The following NIN variants were observed in gnomAD, a reference collection of about 807,000 sequenced individuals.
The protein encoded by NIN is glycogen synthase kinase 3 beta-interacting protein.
Under a neutral mutation model 257.6 loss-of-function variants are expected in NIN, and 137 were observed. The ratio of observed to expected loss-of-function variants is 0.53; its 90% CI spans 0.46 to 0.61. The LOEUF is 0.61. NIN is among the 20% of genes least tolerant of loss of function. The probability of loss-of-function intolerance (pLI) is 0.00; values close to 1 mark genes in which losing one functional copy is unlikely to be tolerated. For missense variants in NIN, 2,439 were observed against 2,501.2 expected (o/e 0.98, Z 0.53); for synonymous variants, 918 against 919.8 (o/e 1.00, Z 0.04).
At chr14:50,817,827 T>C (rs977710985) in intron 3 of NIN, among the ~76,000 whole-genome samples, 1 of 152,072 alleles carries the variant, frequency 6.6e-6, no homozygotes, top group African/African-American at 2.4e-5. Flanking sequence ...GCAATTCTCC[T>C]GTCTCAGCCT....
At chr14:50,726,504 C>A in intron 29 of NIN, 1 of 155,216 alleles carries the variant, frequency 6.4e-6, no homozygotes, top group Admixed American at 6.4e-5. Context: ...AACCAATCAG[C>A]TTGCAATATG....
chr14:50,728,211 T>A (rs773973906), intron 29 of NIN, among the ~76,000 whole-genome samples: 14 of 152,022 alleles, frequency 9.2e-5, no homozygotes, highest in Non-Finnish European at 2.1e-4. Context: ...GATCATTTGG[T>A]TAGAAGGTCC....
intron 2 of NIN, 55 bp from the exon 3 acceptor site, chr14:50,822,132 T>C: frequency 7.6e-7 from 1 of 1,316,644 alleles, no homozygotes; most frequent in Non-Finnish European, 1.1e-6. Flanking sequence ...AGTCCTACCG[T>C]GGTCACCACC....
chr14:50,759,962 A>G lies in NIN; in HGVS notation c.2294T>C (p.Phe765Ser). Residue 765 changes from phenylalanine to serine, a missense_variant, in exon 17 of 31, where the codon TTT (phenylalanine) becomes TCT (serine). Phe to Ser is a radical substitution (Grantham distance 155, BLOSUM62 -2). Transcript: ENST00000530997. The stretch of plus-strand genomic sequence containing the variant: ...CAGGCTTGTCAGCTGCTCCTGGTGA[A>G]ACTGCTCTAGTTCCTGAGTCAAGCC... ...VRGLTQELEQ[F>S]HQEQLTSLVE... 2 of 1,614,060 alleles carry G rather than the reference A, an allele frequency of 1.2e-6. No homozygotes were observed. The highest frequency in any genetic ancestry group is 1.7e-6 in the Non-Finnish European group (2 of 1,179,998).
At position 50,758,341 on chromosome 14, in the gene NIN, G is replaced by C. The variant is rs771283517; in HGVS notation, c.2689C>G (p.Leu897Val). The C allele has an allele frequency of 4.3e-6, 7 of 1,614,214 alleles. No homozygotes were observed. Among genetic ancestry groups the C allele is most frequent in the African/African-American group, 1.3e-5 (1 of 75,040 alleles). Residue 897 changes from leucine to valine, a missense_variant, in exon 18 of 31, where the codon CTG becomes GTG. By Grantham distance (32) the Leu-to-Val change is conservative. Coordinates refer to ENST00000530997, the MANE Select transcript of NIN (RefSeq NM_020921.4). ...AAATGTTCTTTGTATGTTTTCTCCA[G>C]CATCTCTCTCTCCTGGGTCAGGACC... ...SLVLTQEREM[L>V]EKTYKEHLNS...
Position 50,723,236 on chromosome 14 carries a change from A to T in NIN, c.*227T>A, listed in dbSNP as rs999496875. 7.8e-5 allele frequency: 31 copies of T among 397,376 alleles called. No individual in the cohort carries two copies. The highest frequency in any genetic ancestry group is 2.1e-4 in the South Asian group (3 of 14,076). The allele number at this position is 397,376 out of a possible 1,614,324, so 24.6% of individuals were successfully genotyped here. On this transcript the variant is annotated 3_prime_UTR_variant, in exon 31 of 31. Transcript: ENST00000530997. ...GTCCACATTCTTGGTGGCTATTAAA[A>T]TTTTAAAATAAATTCAAATCTTGGG...
chr14:50,803,266 T>C (rs1010488852), intron 4 of NIN, among the ~76,000 whole-genome samples: 8 of 152,138 alleles, frequency 5.3e-5, no homozygotes, highest in South Asian at 2.1e-4. Flanking sequence ...AGGCAGAGAA[T>C]TGCTTGAACC....
intron 22 of NIN, among the ~76,000 whole-genome samples, chr14:50,747,489 T>C (rs2041599149): frequency 6.6e-6 from 1 of 152,134 alleles, no homozygotes; most frequent in Admixed American, 6.5e-5. Context: ...ATCCCAGCAC[T>C]TTAGGGGGCT....
intron 27 of NIN, among the ~76,000 whole-genome samples, chr14:50,737,646 GTTTT>G (rs35662853): frequency 6.6e-5 from 9 of 137,036 alleles, no homozygotes; most frequent in African/African-American, 1.3e-4. Flanking sequence ...TTTTGTTGTT[GTTTT>G]TTTTTTTTTT....
intron 3 of NIN, among the ~76,000 whole-genome samples, chr14:50,821,663 G>A (rs994365289): frequency 6.6e-6 from 1 of 152,176 alleles, no homozygotes; most frequent in African/African-American, 2.4e-5. Flanking sequence ...GATGCTCACT[G>A]TACACCATAA....
intron 28 of NIN, among the ~76,000 whole-genome samples, chr14:50,732,768 C>T (rs1201620307): frequency 1.3e-5 from 2 of 151,908 alleles, no homozygotes; most frequent in African/African-American, 2.4e-5. Context: ...TGCTCTGTCA[C>T]CCAGGCTGGA....
chr14:50,730,809 C>G (rs1305472773), intron 28 of NIN: 2 of 745,792 alleles, frequency 2.7e-6, no homozygotes, highest in Admixed American at 4.0e-5. Context: ...AAAATGAATA[C>G]TGGCTCTTTC....
At chr14:50,825,938 T>C (rs916311345) in intron 2 of NIN, among the ~76,000 whole-genome samples, 1 of 152,090 alleles carries the variant, frequency 6.6e-6, no homozygotes, top group Non-Finnish European at 1.5e-5. Flanking sequence ...ACACATTCCC[T>C]TTTTTTTCTA....
chr14:50,805,583 A>G (rs1011584155), intron 4 of NIN, among the ~76,000 whole-genome samples: 3 of 152,196 alleles, frequency 2.0e-5, no homozygotes, highest in African/African-American at 4.8e-5. Context: ...GAAGAACTAG[A>G]TCACCCGGCA....
In NIN at chr14:50,761,791, T is replaced by G; in HGVS notation, c.1895A>C (p.Lys632Thr). ...AGTGGATTGGTGGGAAGGACTTACT[T>G]TATCTTCGAGCTCCAGTCTGAGGCA... is the stretch of plus-strand genomic sequence containing the variant. The part of the protein sequence containing the change: ...ICCLRLELED[K>T]VRHYEKQLDE... Residue 632 changes from lysine to threonine, a missense_variant and splice_region_variant, in exon 16 of 31, where the codon AAA (lysine) becomes ACA (threonine). Around this residue, in one of 3 missense-constraint regions of NIN, gnomAD observed 2,043 missense variants for 2,050.2 expected, o/e 1.00. Transcript: ENST00000530997. 1 of 1,614,136 alleles carries G rather than the reference T, an allele frequency of 6.2e-7. No individual in the cohort carries two copies. The highest frequency in any genetic ancestry group is 8.5e-7 in the Non-Finnish European group (1 of 1,180,002).
chr14:50,804,395 A>G (rs1354628767), intron 4 of NIN, among the ~76,000 whole-genome samples: 1 of 152,238 alleles, frequency 6.6e-6, no homozygotes, highest in Admixed American at 6.5e-5. Flanking sequence ...TTATCCTGCC[A>G]GGACAAATGT....
chr14:50,739,334 C>T lies in NIN; in HGVS notation c.5602G>A (p.Ala1868Thr), dbSNP rs144035360. The change falls in exon 26 of 31, where the codon GCC (alanine) becomes ACC (threonine). Residue 1868 changes from alanine (A) to threonine (T), a missense_variant. By Grantham distance (58) the Ala-to-Thr change is moderately conservative. Transcript: ENST00000530997. ...TTCTCCCGGGAGTGCGTGAGTTCGG[C>T]TTTGGTGTTCTGTACCATGGTCTGG... Reference protein sequence around the residue: ...RLQTMVQNTKAELTHSREKVR... With the variant: ...RLQTMVQNTKTELTHSREKVR... 1 of 1,614,186 alleles carries T rather than the reference C, an allele frequency of 6.2e-7. No individual in the cohort carries two copies. Among genetic ancestry groups the T allele is most frequent in the Non-Finnish European group, 8.5e-7 (1 of 1,180,028 alleles).
In NIN at chr14:50,720,320, C is replaced by G. The variant is rs1263712551; in HGVS notation, c.*3143G>C. 1 of 219,700 alleles carries G rather than the reference C, an allele frequency of 4.6e-6. No homozygotes were observed. Among genetic ancestry groups the G allele is most frequent in the East Asian group, 6.7e-5 (1 of 14,974 alleles). The allele number at this position is 219,700 out of a possible 1,614,324, so 13.6% of individuals were successfully genotyped here. ...TTAGCCTTGCCTTGACTGGAAATAC[C>G]TTTAAGATGCTGACAATAGCAACAA... On this transcript the variant is annotated 3_prime_UTR_variant, in exon 31 of 31. Transcript: ENST00000530997.
At chr14:50,750,867 C>A (rs1056838146) in intron 21 of NIN, among the ~76,000 whole-genome samples, 3 of 152,166 alleles carry the variant, frequency 2.0e-5, no homozygotes, top group African/African-American at 7.2e-5. Flanking sequence ...TCTTCCTCGT[C>A]CCTTCTAGCG....
Sources: gnomAD v4.1 joint callset for allele counts (sites outside exome capture counted in the v4.1 genomes callset) on GRCh38, gnomAD v4.1.1 for gene constraint, gnomAD v4.1.1 regional missense constraint, MANE v1.5 for transcripts, NCBI Gene and HGNC (gene_info 2026-07-23, HGNC 2026-07-21) for gene names.